DNAH9: variants seen among roughly 807,000 people sequenced by gnomAD.
DNAH9 encodes the protein DNAH9 variant protein.
DNAH9 carries 345 observed loss-of-function variants against 471.6 expected under a neutral mutation model. That is an observed-to-expected ratio of 0.73 (90% CI 0.67 to 0.80). DNAH9 has a LOEUF of 0.80. Among genes scored for constraint, DNAH9 ranks in the 30% least tolerant of loss-of-function variants. The pLI, the probability that DNAH9 is intolerant of heterozygous loss-of-function variation, is 0.00. For missense variants in DNAH9, 5,407 were observed against 5,609.2 expected, an observed-to-expected ratio of 0.96 and a Z score of 1.15; for synonymous variants, 2,093 against 2,123.6, an observed-to-expected ratio of 0.99 and a Z score of 0.40.
Position 11,619,545 on chromosome 17 carries a change from C to T in DNAH9, c.1117-3C>T. ...CAGTGATACTAATCTGTTTGTATAC[C>T]AGGCCTCTAATTATCTCAGCCCAGA... is the stretch of plus-strand genomic sequence containing the variant. On this transcript the variant is annotated splice_polypyrimidine_tract_variant and splice_region_variant and intron_variant, in intron 5 of 68. Coordinates refer to ENST00000262442, the MANE Select transcript of DNAH9 (RefSeq NM_001372.4). The T allele has an allele frequency of 6.3e-7, 1 of 1,583,532 alleles. No individual in the cohort carries two copies. Among genetic ancestry groups the T allele is most frequent in the Non-Finnish European group, 8.7e-7 (1 of 1,152,312 alleles).
Position 11,705,172 on chromosome 17 carries a change from C to G in DNAH9, c.5539C>G (p.Pro1847Ala), listed in dbSNP as rs757532137. ...LGNTPRLVIT[P>A]LTDRCYITLT... is the part of the protein sequence containing the mutation. ...AAACACACCTCGCTTGGTGATCACA[C>G]CTTTGACTGACAGGTGAGCACTGGT... Residue 1847 changes from proline (P) to alanine (A), a missense_variant, in exon 26 of 69, where the codon CCT becomes GCT. Transcript: ENST00000262442. 10 of 1,613,952 alleles carry G rather than the reference C, an allele frequency of 6.2e-6. No homozygotes were observed. In the South Asian group the frequency reaches 1.1e-4, roughly 18 times the overall value.
intron 61 of DNAH9, among the ~76,000 whole-genome samples, chr17:11,909,574 C>T (rs1414915306): frequency 2.6e-5 from 4 of 152,154 alleles, no homozygotes; most frequent in African/African-American, 9.7e-5. Context: ...TGGCTTTGCA[C>T]ATATGGTGCA....
At chr17:11,760,018 TG>T (rs1279030504) in intron 35 of DNAH9, among the ~76,000 whole-genome samples, 2 of 152,044 alleles carry the variant, frequency 1.3e-5, no homozygotes, top group African/African-American at 4.8e-5. Context: ...GACAGGGTTT[TG>T]CCATGTTGAC....
chr17:11,639,297 C>T (rs1246537673), intron 9 of DNAH9, among the ~76,000 whole-genome samples: 3 of 152,108 alleles, frequency 2.0e-5, no homozygotes, highest in African/African-American at 4.8e-5. Flanking sequence ...GGGTGGTACC[C>T]GCGGTGAAAT....
intron 28 of DNAH9, among the ~76,000 whole-genome samples, chr17:11,731,435 A>G (rs1162636342): frequency 6.6e-6 from 1 of 151,132 alleles, no homozygotes; most frequent in Non-Finnish European, 1.5e-5. Flanking sequence ...TTTAGGGTAC[A>G]TGTGCACAAC....
intron 65 of DNAH9, among the ~76,000 whole-genome samples, chr17:11,935,291 T>C (rs1974668671): frequency 1.3e-5 from 2 of 151,298 alleles, no homozygotes; most frequent in South Asian, 4.2e-4. Flanking sequence ...ATTACTTCGG[T>C]CTTTTATGTT....
chr17:11,957,166 G>A (rs891003112), intron 67 of DNAH9, among the ~76,000 whole-genome samples: 1 of 152,008 alleles, frequency 6.6e-6, no homozygotes, highest in South Asian at 2.1e-4. Flanking sequence ...CTTAAATGAA[G>A]TGAACCAGTT....
intron 63 of DNAH9, 65 bp downstream of exon 63, chr17:11,930,158 G>C (rs189634463): frequency 2.1e-4 from 296 of 1,389,698 alleles, no homozygotes; most frequent in Non-Finnish European, 2.8e-4. Flanking sequence ...CAAACTGGTG[G>C]GGGGAGAGCA....
At chr17:11,842,372 T>C (rs1278050171) in intron 49 of DNAH9, among the ~76,000 whole-genome samples, 2 of 152,222 alleles carry the variant, frequency 1.3e-5, no homozygotes, top group Non-Finnish European at 2.9e-5. Flanking sequence ...AGAAAAGCTT[T>C]GTAGTCACTG....
At chr17:11,822,304 G>T (rs1370066150) in intron 46 of DNAH9, 134 bp from the exon 47 acceptor site, 4 of 1,168,996 alleles carry the variant, frequency 3.4e-6, no homozygotes, top group East Asian at 2.4e-5. Context: ...AGGCTGGCTA[G>T]CATTTACAGA....
At position 11,715,567 on chromosome 17, in the gene DNAH9, G is replaced by A. The variant is rs556985978; in HGVS notation, c.5553-3767G>A. On this transcript the variant is annotated intron_variant, in intron 26 of 68. Coordinates refer to ENST00000262442, the MANE Select transcript of DNAH9 (RefSeq NM_001372.4). ...CCTCACCTTTAAAATCCCTTCCAACGCTAACGTTCCTGTGTTCCCACTGGA... is the reference window on the plus strand; with the variant it reads ...CCTCACCTTTAAAATCCCTTCCAACACTAACGTTCCTGTGTTCCCACTGGA... 2.1e-4 allele frequency among the ~76,000 whole-genome samples: 32 copies of A among 152,202 alleles called. 1 individual carries two copies. The South Asian group carries it at 6.2e-3, about 30-fold the overall frequency.
chr17:11,627,360 C>A (rs2072988177), intron 6 of DNAH9, among the ~76,000 whole-genome samples: 1 of 152,156 alleles, frequency 6.6e-6, no homozygotes, highest in African/African-American at 2.4e-5. Context: ...ACAAAATTAT[C>A]ATCTGGGTTT....
rs2074380906 is a variant in DNAH9, at chr17:11,693,852, A to G, written c.4615-16A>G. 4 of 1,614,080 alleles carry G rather than the reference A, an allele frequency of 2.5e-6. No homozygotes were observed. The highest frequency in any genetic ancestry group is 1.7e-4 in the Middle Eastern group (1 of 6,060). ...AGTGGAGTGGTGGTTAATTGCTTCC[A>G]CATTTTTATTTGCAGGATTCTAAAA... On this transcript the variant is annotated splice_polypyrimidine_tract_variant and intron_variant, in intron 20 of 68. Coordinates refer to ENST00000262442, the MANE Select transcript of DNAH9 (RefSeq NM_001372.4).
chr17:11,817,678 ATATTT>A (rs1372159324), intron 45 of DNAH9, among the ~76,000 whole-genome samples: 5 of 152,192 alleles, frequency 3.3e-5, no homozygotes, highest in Non-Finnish European at 7.3e-5. Context: ...CACATGCTAA[ATATTT>A]TATTTTCTTA....
chr17:11,658,331 T>C (rs945510215), intron 14 of DNAH9, among the ~76,000 whole-genome samples: 3 of 152,174 alleles, frequency 2.0e-5, no homozygotes, highest in Non-Finnish European at 2.9e-5. Context: ...TCAGGTAGTG[T>C]ATACAAGCAT....
intron 11 of DNAH9, 42 bp downstream of exon 11, chr17:11,644,741 G>C: frequency 7.2e-7 from 1 of 1,384,396 alleles, no homozygotes; most frequent in Non-Finnish European, 1.0e-6. Context: ...AGATTGCACA[G>C]CCTCCATGCT....
chr17:11,874,518 G>A (rs902141982), intron 52 of DNAH9, among the ~76,000 whole-genome samples: 3 of 152,270 alleles, frequency 2.0e-5, no homozygotes, highest in Non-Finnish European at 2.9e-5. Context: ...GGTTTGTGCC[G>A]GTTGGTACAG....
At chr17:11,647,017 C>T (rs1197872812) in intron 11 of DNAH9, 55 bp from the exon 12 acceptor site, 3 of 1,591,468 alleles carry the variant, frequency 1.9e-6, no homozygotes, top group Admixed American at 3.4e-5. Flanking sequence ...CATGACCAGG[C>T]ACCGGTGAGC....
chr17:11,712,086 GTATATATATTTATATATAAATATATA>G (rs1176553732), intron 26 of DNAH9, among the ~76,000 whole-genome samples: 1 of 1,420 alleles, frequency 7.0e-4, no homozygotes, highest in Admixed American at 0.014. Context: ...AAATATATTT[GTATATATATTTATATATAAATATATA>G]TATTTATATA....
Sources: allele counts gnomAD v4.1 joint callset (sites outside exome capture counted in the v4.1 genomes callset), GRCh38; gene constraint gnomAD v4.1.1; transcripts MANE v1.5; gene names NCBI Gene and HGNC (gene_info 2026-07-23, HGNC 2026-07-21).